MIPOL1: variants seen among roughly 807,000 people sequenced by gnomAD.
MIPOL1 encodes the protein mirror-image polydactyly gene 1 protein.
A neutral mutation model predicts 60.9 loss-of-function variants in MIPOL1; 57 were observed. The observed-to-expected ratio is 0.94, with a 90% CI of 0.76 to 1.17. The LOEUF is 1.17. Ranked by LOEUF, MIPOL1 falls within the 50% of genes most tolerant of loss-of-function variation. The pLI, the probability that MIPOL1 is intolerant of heterozygous loss-of-function variation, is 0.00. For missense variants in MIPOL1, 551 were observed against 511.6 expected (o/e 1.08, Z -0.74); for synonymous variants, 179 against 168.8 (o/e 1.06, Z -0.47).
At chr14:37,416,846 T>G (rs1285914759) in intron 10 of MIPOL1, among the ~76,000 whole-genome samples, 5 of 152,162 alleles carry the variant, frequency 3.3e-5, no homozygotes, top group African/African-American at 4.8e-5. Context: ...ACACTAGATT[T>G]TATTTTCTTT....
At chr14:37,350,826 C>T (rs573778411) in intron 9 of MIPOL1, among the ~76,000 whole-genome samples, 6 of 152,084 alleles carry the variant, frequency 3.9e-5, no homozygotes, top group Admixed American at 2.6e-4. Context: ...TGAGAACATG[C>T]GATGATCTCT....
intron 3 of MIPOL1, among the ~76,000 whole-genome samples, chr14:37,258,509 A>T (rs1975339563): frequency 6.6e-6 from 1 of 152,146 alleles, no homozygotes. Flanking sequence ...GGAACAACAA[A>T]AAGAGTTATG....
chr14:37,271,011 C>T (rs150517995), intron 6 of MIPOL1, among the ~76,000 whole-genome samples: 98 of 152,112 alleles, frequency 6.4e-4, no homozygotes, highest in African/African-American at 1.9e-3. Context: ...ATGACGTAGA[C>T]GCTAATAGAG....
At chr14:37,268,216 A>G (rs2083025350) in intron 4 of MIPOL1, among the ~76,000 whole-genome samples, 1 of 152,230 alleles carries the variant, frequency 6.6e-6, no homozygotes, top group South Asian at 2.1e-4. Flanking sequence ...ATAGTAACAT[A>G]TAATGAAATA....
chr14:37,240,477 C>T (rs1972172714), intron 1 of MIPOL1: 1 of 152,096 alleles, frequency 6.6e-6, no homozygotes, highest in African/African-American at 2.4e-5. Flanking sequence ...GAAATGTAAA[C>T]CTTTGTATGA....
chr14:37,293,228 A>G (rs758838459), intron 7 of MIPOL1, among the ~76,000 whole-genome samples: 2 of 152,148 alleles, frequency 1.3e-5, no homozygotes, highest in Non-Finnish European at 2.9e-5. Context: ...ATTCTGTTTT[A>G]TTAGCTCACT....
At chr14:37,279,850 A>G (rs910886675) in intron 6 of MIPOL1, among the ~76,000 whole-genome samples, 1 of 152,162 alleles carries the variant, frequency 6.6e-6, no homozygotes, top group East Asian at 1.9e-4. Context: ...ACTCTTCATT[A>G]TAAGTCACCT....
chr14:37,254,575 C>T (rs779491436), intron 3 of MIPOL1, among the ~76,000 whole-genome samples: 1 of 151,812 alleles, frequency 6.6e-6, no homozygotes, highest in Non-Finnish European at 1.5e-5. Context: ...CTGTCTCTGC[C>T]TATTCTCTAC....
At chr14:37,238,028 G>A (rs117472031) in intron 1 of MIPOL1, among the ~76,000 whole-genome samples, 15 of 152,050 alleles carry the variant, frequency 9.9e-5, no homozygotes, top group South Asian at 2.1e-4. Context: ...GTACAATAGC[G>A]CGATCATAGC....
Position 37,547,407 on chromosome 14 carries a change from T to G in MIPOL1, c.*436T>G, listed in dbSNP as rs2095551023. ...TAGGTCAAAACTTCAAATACATGCA[T>G]TTTTCAATATAGGGTATATTTCTTA... On this transcript the variant is annotated 3_prime_UTR_variant, in exon 13 of 13. Transcript: ENST00000684589. 1 of 158,234 alleles carries G rather than the reference T, an allele frequency of 6.3e-6. No homozygotes were observed. Among genetic ancestry groups the G allele is most frequent in the South Asian group, 1.9e-4 (1 of 5,274 alleles). The allele number at this position is 158,234 out of a possible 1,614,324, so 9.8% of individuals were successfully genotyped here.
intron 11 of MIPOL1, among the ~76,000 whole-genome samples, chr14:37,462,579 C>CT (rs2094552184): frequency 6.6e-6 from 1 of 152,180 alleles, no homozygotes; most frequent in South Asian, 2.1e-4. Flanking sequence ...CTTTTATGCT[C>CT]TGTTTCCTTT....
chr14:37,283,088 G>C (rs2084261389), intron 6 of MIPOL1, among the ~76,000 whole-genome samples: 1 of 151,166 alleles, frequency 6.6e-6, no homozygotes. Context: ...TGTTTGTTTT[G>C]AGAGTCTCAT....
At chr14:37,439,328 A>G (rs2094207485) in intron 11 of MIPOL1, among the ~76,000 whole-genome samples, 1 of 152,196 alleles carries the variant, frequency 6.6e-6, no homozygotes, top group Non-Finnish European at 1.5e-5. Context: ...CTAGCCTGGA[A>G]GAACAGAATA....
In MIPOL1 at chr14:37,342,625, T is replaced by G. The variant is rs534815553; in HGVS notation, c.829-26892T>G. Among the ~76,000 whole-genome samples, 10 of 152,084 alleles carry G rather than the reference T, an allele frequency of 6.6e-5. No individual in the cohort carries two copies. The South Asian group carries it at 2.1e-3, about 32-fold the overall frequency. ...GTTGGTCAGGCTGGTCTCGAACTCC[T>G]GACCTGGTGATCCACCCTCCTCAGC... On this transcript the variant is annotated intron_variant, in intron 9 of 12. Coordinates refer to ENST00000684589, the MANE Select transcript of MIPOL1 (RefSeq NM_001388067.1).
chr14:37,255,131 C>A (rs1974723166), intron 3 of MIPOL1, among the ~76,000 whole-genome samples: 2 of 151,818 alleles, frequency 1.3e-5, no homozygotes, highest in Non-Finnish European at 2.9e-5. Context: ...CAGAACACCT[C>A]TTGTAACACA....
chr14:37,477,020 C>T (rs558205946), intron 11 of MIPOL1, among the ~76,000 whole-genome samples: 7 of 151,374 alleles, frequency 4.6e-5, no homozygotes, highest in Non-Finnish European at 7.4e-5. Flanking sequence ...CCTGCCTCAG[C>T]CTCCTGGGTA....
intron 11 of MIPOL1, among the ~76,000 whole-genome samples, chr14:37,494,857 TG>T (rs1460498345): frequency 2.6e-5 from 4 of 152,190 alleles, no homozygotes; most frequent in Non-Finnish European, 5.9e-5. Flanking sequence ...GTCCATTGCT[TG>T]GGAAAGCCTT....
chr14:37,334,437 A>C (rs1235185482), intron 9 of MIPOL1, among the ~76,000 whole-genome samples: 1 of 152,062 alleles, frequency 6.6e-6, no homozygotes, highest in African/African-American at 2.4e-5. Flanking sequence ...TACGCAAATC[A>C]ATGGAACTGT....
intron 11 of MIPOL1, among the ~76,000 whole-genome samples, chr14:37,481,285 A>G (rs1311594824): frequency 6.6e-6 from 1 of 152,098 alleles, no homozygotes; most frequent in Non-Finnish European, 1.5e-5. Flanking sequence ...GCTACCCCCT[A>G]AAAAAATTAA....
Sources: allele counts gnomAD v4.1 joint callset (sites outside exome capture counted in the v4.1 genomes callset), GRCh38; gene constraint gnomAD v4.1.1; transcripts MANE v1.5; gene names NCBI Gene and HGNC (gene_info 2026-07-23, HGNC 2026-07-21).